PRICKLE1: variants seen among roughly 807,000 people sequenced by gnomAD.
PRICKLE1 encodes prickle planar cell polarity protein 1, also known as prickle-like protein 1.
PRICKLE1 carries 14 observed loss-of-function variants against 70.2 expected under a neutral mutation model. The observed-to-expected ratio is 0.20, with a 90% CI of 0.13 to 0.31. The LOEUF is 0.31. Among genes scored for constraint, PRICKLE1 ranks in the 10% least tolerant of loss-of-function variants. The probability of loss-of-function intolerance (pLI) is 1.00; values close to 1 mark genes in which losing one functional copy is unlikely to be tolerated. For synonymous variants in PRICKLE1, 357 were observed against 379.9 expected, an observed-to-expected ratio of 0.94 and a Z score of 0.70; for missense variants, 821 against 1,026.2, an observed-to-expected ratio of 0.80 and a Z score of 2.73.
chr12:42,508,748 G>A (rs1939462010), intron 1 of PRICKLE1, among the ~76,000 whole-genome samples: 2 of 152,134 alleles, frequency 1.3e-5, no homozygotes, highest in Admixed American at 1.3e-4. Flanking sequence ...TGCACTTTCA[G>A]GGTGCTTGGA....
In PRICKLE1 at chr12:42,589,279, T is replaced by C. The variant is rs188063876; in HGVS notation, c.-49+186A>G. 1 of 152,418 alleles carries C rather than the reference T, an allele frequency of 6.6e-6. No homozygotes were observed. Among genetic ancestry groups the C allele is most frequent in the Non-Finnish European group, 1.5e-5 (1 of 68,104 alleles). The allele number at this position is 152,418 out of a possible 1,614,324, so 9.4% of individuals were successfully genotyped here. A position where few individuals can be genotyped will look rare whatever the true frequency, so the allele number is the denominator to read the frequency against. On this transcript the variant is annotated intron_variant, in intron 1 of 7. Coordinates refer to ENST00000345127, the MANE Select transcript of PRICKLE1 (RefSeq NM_153026.3). This position sits in a 1 kb window ranked among gnomAD's most constrained non-coding sequence, Gnocchi z 5.0. ...CTGCAGCCAATATCTGCTTTCCCTG[T>C]CTACACAGCCCAACAAACCGATTAT...
At chr12:42,578,292 A>C (rs77415550) in intron 1 of PRICKLE1, among the ~76,000 whole-genome samples, 1 of 152,200 alleles carries the variant, frequency 6.6e-6, no homozygotes, top group East Asian at 1.9e-4. Context: ...TGGAATTTAA[A>C]TCAGGAGATT....
At position 42,469,516 on chromosome 12, in the gene PRICKLE1, T is replaced by C. The variant is rs774649468; in HGVS notation, c.318A>G (p.Lys106=). Residue 106 remains lysine, a synonymous_variant, in exon 4 of 8, where the codon AAA becomes AAG. Transcript: ENST00000345127. ...ELQVFSAQRK[K]EALGRGTIKL... Reference sequence around the variant, plus strand: ...TAATTGTTCCTCTTCCCAGTGCTTCTTTCTTCCGCTGAGCACTGAACACCT... The same window carrying C: ...TAATTGTTCCTCTTCCCAGTGCTTCCTTCTTCCGCTGAGCACTGAACACCT... 1.2e-6 allele frequency: 2 copies of C among 1,614,188 alleles called. No individual in the cohort carries two copies. Among genetic ancestry groups the C allele is most frequent in the East Asian group, 2.2e-5 (1 of 44,878 alleles).
chr12:42,541,080 G>A (rs1940104366), intron 1 of PRICKLE1, among the ~76,000 whole-genome samples: 1 of 151,984 alleles, frequency 6.6e-6, no homozygotes. Flanking sequence ...AAGAACTGAA[G>A]TACAATTTCA....
chr12:42,467,638 CG>C (rs899353407), intron 5 of PRICKLE1, among the ~76,000 whole-genome samples: 3 of 151,762 alleles, frequency 2.0e-5, no homozygotes. Context: ...CCCAGCTACT[CG>C]GGGGGCTGAG....
intron 1 of PRICKLE1, among the ~76,000 whole-genome samples, chr12:42,557,965 C>CT (rs2120686724): frequency 6.6e-6 from 1 of 152,244 alleles, no homozygotes; most frequent in East Asian, 1.9e-4. Flanking sequence ...TTAAAATTGG[C>CT]TTTTAGAGAG....
In PRICKLE1 at chr12:42,464,240, C is replaced by T. The variant is rs12304639; in HGVS notation, c.1639+155G>A. Among the ~76,000 whole-genome samples, 10 of 152,240 alleles carry T rather than the reference C, an allele frequency of 6.6e-5. No individual in the cohort carries two copies. The highest frequency in any genetic ancestry group is 2.0e-4 in the Admixed American group (3 of 15,290). ...TTCGCCATGTTGCCTGGGCTGGTCT[C>T]GAACTCCTGACCTCAAATGATCTGC... On this transcript the variant is annotated intron_variant, in intron 7 of 7. Coordinates refer to ENST00000345127, the MANE Select transcript of PRICKLE1 (RefSeq NM_153026.3). The surrounding 1 kb of genome is among the most constrained non-coding windows in gnomAD (Gnocchi z 4.2).
chr12:42,549,121 A>C (rs1334603437), intron 1 of PRICKLE1, among the ~76,000 whole-genome samples: 1 of 123,766 alleles, frequency 8.1e-6, no homozygotes, highest in African/African-American at 2.6e-5. Flanking sequence ...CCTGTCTCCA[A>C]AAAAAAAAAA....
At chr12:42,516,464 C>T (rs1566110180) in intron 1 of PRICKLE1, among the ~76,000 whole-genome samples, 1 of 152,124 alleles carries the variant, frequency 6.6e-6, no homozygotes, top group Non-Finnish European at 1.5e-5. Flanking sequence ...CCAAGAGTTC[C>T]TGTGTCCATG....
chr12:42,532,876 G>A (rs1386410670), intron 1 of PRICKLE1, among the ~76,000 whole-genome samples: 7 of 143,908 alleles, frequency 4.9e-5, no homozygotes, highest in African/African-American at 7.8e-5. Flanking sequence ...CAGCCTGGGC[G>A]AGAGTGAGAC....
chr12:42,480,005 C>A (rs991629193), intron 1 of PRICKLE1, among the ~76,000 whole-genome samples: 7 of 151,844 alleles, frequency 4.6e-5, no homozygotes, highest in African/African-American at 7.3e-5. Context: ...TTCGTGGTGG[C>A]ACGTGTAAAA....
intron 1 of PRICKLE1, among the ~76,000 whole-genome samples, chr12:42,518,604 A>T (rs1035542072): frequency 6.6e-6 from 1 of 152,258 alleles, no homozygotes; most frequent in Non-Finnish European, 1.5e-5. Context: ...TAATTTTCCT[A>T]TGTTTGTCCC....
intron 1 of PRICKLE1, among the ~76,000 whole-genome samples, chr12:42,519,673 T>C (rs1286552523): frequency 6.6e-6 from 1 of 152,226 alleles, no homozygotes; most frequent in East Asian, 1.9e-4. Flanking sequence ...GATGAATGCT[T>C]ACACAAATGC....
chr12:42,515,848 T>C (rs1939601703), intron 1 of PRICKLE1, among the ~76,000 whole-genome samples: 1 of 152,212 alleles, frequency 6.6e-6, no homozygotes, highest in Non-Finnish European at 1.5e-5. Flanking sequence ...TACCTGATGA[T>C]GTACATTGGT....
rs1237501741 is a variant in PRICKLE1 at position 42,457,560 on chromosome 12, A to G, written c.*2249T>C. 3.3e-5 allele frequency: 5 copies of G among 152,140 alleles called. No individual in the cohort carries two copies. Among genetic ancestry groups the G allele is most frequent in the Admixed American group, 6.5e-5 (1 of 15,270 alleles). 9.4% of individuals were successfully genotyped at this position (152,140 alleles called of 1,614,324 possible). On this transcript the variant is annotated 3_prime_UTR_variant, in exon 8 of 8. Coordinates refer to ENST00000345127, the MANE Select transcript of PRICKLE1 (RefSeq NM_153026.3). ...TTTTGGAGGAAAATTGGCAATATCC[A>G]TCAGTCTTAAATACGTAACCTTTGT...
chr12:42,472,839 A>G (rs1938379582), intron 1 of PRICKLE1, among the ~76,000 whole-genome samples: 2 of 152,212 alleles, frequency 1.3e-5, no homozygotes, highest in African/African-American at 2.4e-5. Context: ...GCCTCTCTAC[A>G]GTCGATTCCT....
At position 42,551,923 on chromosome 12, in the gene PRICKLE1, A is replaced by G. The variant is rs140773171; in HGVS notation, c.-49+37542T>C. 2.0e-3 allele frequency among the ~76,000 whole-genome samples: 304 copies of G among 152,328 alleles called. 1 individual carries two copies. Among genetic ancestry groups the G allele is most frequent in the African/African-American group, 6.9e-3 (288 of 41,562 alleles). ...AAACAAAAAGCCCCACTATATTTCT[A>G]TGATGTTTAAAACTACTACAGTCCT... is the stretch of plus-strand genomic sequence containing the variant. On this transcript the variant is annotated intron_variant, in intron 1 of 7. Transcript: ENST00000345127.
In PRICKLE1 at chr12:42,496,709, A is replaced by AC. The variant is rs1939208203; in HGVS notation, c.-48-24146_-48-24145insG. On this transcript the variant is annotated intron_variant, in intron 1 of 7. Transcript: ENST00000345127. Reference sequence around the variant, plus strand: ...CACCTTGCACTTTCATGTTAGAGAGATGGCTTCTTTCCTGAAACCTCATGA... The same window carrying AC: ...CACCTTGCACTTTCATGTTAGAGAGACTGGCTTCTTTCCTGAAACCTCATGA... Among the ~76,000 whole-genome samples the AC allele has an allele frequency of 4.1e-4, 62 of 152,230 alleles. 1 individual carries two copies. The highest frequency in any genetic ancestry group is 1.4e-3 in the African/African-American group (60 of 41,490).
chr12:42,495,322 G>T (rs191873495), intron 1 of PRICKLE1, among the ~76,000 whole-genome samples: 298 of 149,500 alleles, frequency 2.0e-3, no homozygotes, highest in African/African-American at 7.1e-3. Context: ...GGAGACAGAG[G>T]TCACTGAGAT....
Sources: allele counts gnomAD v4.1 joint callset (sites outside exome capture counted in the v4.1 genomes callset), GRCh38; gene constraint gnomAD v4.1.1; non-coding constraint Gnocchi (gnomAD v3.1); transcripts MANE v1.5; gene names NCBI Gene and HGNC (gene_info 2026-07-23, HGNC 2026-07-21).